The following PPM1A variants were observed in gnomAD, a reference collection of about 807,000 sequenced individuals.
The protein encoded by PPM1A is protein phosphatase, Mg2+/Mn2+ dependent 1A.
In PPM1A, 7 loss-of-function variants were observed where a neutral mutation model predicts 35.0. The ratio of observed to expected loss-of-function variants is 0.20; its 90% CI spans 0.11 to 0.38. The LOEUF is 0.38. Ranked by LOEUF, PPM1A falls within the 10% of genes least tolerant of loss-of-function variation. The probability of loss-of-function intolerance (pLI) is 1.00; values close to 1 mark genes in which losing one functional copy is unlikely to be tolerated. For synonymous variants in PPM1A, 153 were observed against 167.3 expected (o/e 0.91, Z 0.66); for missense variants, 239 against 467.8 (o/e 0.51, Z 4.51).
chr14:60,267,708 T>G (rs1024267993), intron 1 of PPM1A, among the ~76,000 whole-genome samples: 1 of 152,164 alleles, frequency 6.6e-6, no homozygotes, highest in Non-Finnish European at 1.5e-5. Context: ...TAGCTTATTT[T>G]GAGAACAATC....
At chr14:60,288,517 T>C in intron 3 of PPM1A, 1 of 984,292 alleles carries the variant, frequency 1.0e-6, no homozygotes, top group Admixed American at 6.2e-5. Flanking sequence ...ATATACTAGA[T>C]GTTAAAGATT....
intron 1 of PPM1A, among the ~76,000 whole-genome samples, chr14:60,263,747 C>T (rs573723592): frequency 5.3e-5 from 8 of 151,906 alleles, no homozygotes; most frequent in South Asian, 2.1e-4. Context: ...TCTTATTTTT[C>T]GTTAGTTTTC....
intron 2 of PPM1A, among the ~76,000 whole-genome samples, chr14:60,285,327 A>G (rs1406614166): frequency 6.6e-6 from 1 of 152,248 alleles, no homozygotes; most frequent in African/African-American, 2.4e-5. Context: ...AAATGTTTAG[A>G]AATAGTATTG....
Position 60,249,818 on chromosome 14 carries a change from C to T in PPM1A, c.-21+141C>T, listed in dbSNP as rs1445590004. ...GGGAGGAGACGCGACAACTCCACCC[C>T]CTGGCCGGCCTCCTCCCCCGAGCCG... On this transcript the variant is annotated intron_variant, in intron 1 of 5. Transcript: ENST00000395076. This position sits in a 1 kb window ranked among gnomAD's most constrained non-coding sequence, Gnocchi z 4.5. The T allele has an allele frequency of 5.8e-6, 2 of 345,352 alleles. No individual in the cohort carries two copies. The highest frequency in any genetic ancestry group is 2.2e-4 in the South Asian group (2 of 9,254). The allele number at this position is 345,352 out of a possible 1,614,324, so 21.4% of individuals were successfully genotyped here.
intron 4 of PPM1A, 94 bp downstream of exon 4, chr14:60,290,008 C>A: frequency 2.5e-6 from 2 of 815,276 alleles, no homozygotes; most frequent in South Asian, 1.9e-5. Context: ...AATTTCTGAA[C>A]TGATGCAGTT....
chr14:60,251,007 ATGC>A (rs1882341343), intron 1 of PPM1A, among the ~76,000 whole-genome samples: 2 of 152,254 alleles, frequency 1.3e-5, no homozygotes, highest in African/African-American at 4.8e-5. Flanking sequence ...CTATTCTTAG[ATGC>A]TGCTTTTACT....
upstream of PPM1A, among the ~76,000 whole-genome samples, chr14:60,246,865 A>C (rs753986904): frequency 5.3e-5 from 8 of 152,214 alleles, no homozygotes; most frequent in Non-Finnish European, 8.8e-5. Flanking sequence ...CTCCTTAAAA[A>C]TTTCTTTCTG....
rs141853506 is a variant in PPM1A, at chr14:60,273,913, C to T, written c.-20-8771C>T. Reference sequence around the variant, plus strand: ...AACTCCTGGATTCAAGCAATCTTACCGCCCCAGCCTCCAAGCAGTTGGGAC... The same window carrying T: ...AACTCCTGGATTCAAGCAATCTTACTGCCCCAGCCTCCAAGCAGTTGGGAC... On this transcript the variant is annotated intron_variant, in intron 1 of 5. Transcript: ENST00000395076. The surrounding 1 kb of genome is among the most constrained non-coding windows in gnomAD (Gnocchi z 4.3). Among the ~76,000 whole-genome samples, 356 of 152,182 alleles carry T rather than the reference C, an allele frequency of 2.3e-3. 2 individuals carry two copies. The highest frequency in any genetic ancestry group is 8.0e-3 in the African/African-American group (333 of 41,490).
chr14:60,285,656 C>G lies in PPM1A; in HGVS notation c.867C>G (p.Ile289Met). 1 of 1,613,800 alleles carries G rather than the reference C, an allele frequency of 6.2e-7. No individual in the cohort carries two copies. The highest frequency in any genetic ancestry group is 8.5e-7 in the Non-Finnish European group (1 of 1,179,842). ...GAGACAACATGAGTGTGATTTTGAT[C>G]TGTTTTCCAAATGCACCCAAAGTAT... ...GSRDNMSVIL[I>M]CFPNAPKVSP... Residue 289 changes from isoleucine (I) to methionine (M), a missense_variant, in exon 3 of 6, where the codon ATC becomes ATG. By Grantham distance (10) the Ile-to-Met change is conservative. Around this residue, in one of 2 missense-constraint regions of PPM1A, gnomAD observed 175 missense variants for 389.2 expected, o/e 0.45. Transcript: ENST00000395076.
chr14:60,245,848 A>G, upstream of PPM1A: 1 of 1,585,278 alleles, frequency 6.3e-7, no homozygotes, highest in Non-Finnish European at 8.6e-7. The surrounding 1 kb of genome is among the most constrained non-coding windows in gnomAD (Gnocchi z 4.2). Flanking sequence ...GTCTGCTCGC[A>G]TGTTCTGTTC....
At chr14:60,268,289 C>A (rs1361208688) in intron 1 of PPM1A, 5 of 983,360 alleles carry the variant, frequency 5.1e-6, no homozygotes, top group Non-Finnish European at 6.0e-6. Context: ...TCATATTGTT[C>A]CAGGTTTCTG....
At chr14:60,269,668 C>T (rs188436702) in intron 1 of PPM1A, among the ~76,000 whole-genome samples, 1 of 152,182 alleles carries the variant, frequency 6.6e-6, no homozygotes, top group East Asian at 1.9e-4. Flanking sequence ...CCTACCTCAA[C>T]CTCCCGAGTA....
upstream of PPM1A, among the ~76,000 whole-genome samples, chr14:60,247,937 C>T (rs1052275512): frequency 2.6e-5 from 4 of 152,164 alleles, no homozygotes; most frequent in African/African-American, 9.7e-5. Context: ...CTGCCTTCTA[C>T]AATGAAGTCT....
intron 1 of PPM1A, among the ~76,000 whole-genome samples, chr14:60,265,262 G>A (rs969160949): frequency 2.6e-5 from 4 of 152,152 alleles, no homozygotes; most frequent in African/African-American, 9.7e-5. Flanking sequence ...CCATGCAATG[G>A]TTAGTAGTAG....
intron 3 of PPM1A, chr14:60,288,120 AG>A: frequency 1.0e-6 from 1 of 984,562 alleles, no homozygotes; most frequent in Non-Finnish European, 1.2e-6. Context: ...ATGAATGGTC[AG>A]GTAGTTTAAA....
intron 1 of PPM1A, among the ~76,000 whole-genome samples, chr14:60,263,301 T>TA (rs1420694193): frequency 1.3e-5 from 2 of 152,222 alleles, no homozygotes; most frequent in African/African-American, 4.8e-5. Context: ...CGATTTATGT[T>TA]ACTGTTGATG....
chr14:60,272,001 C>G (rs1473235954), intron 1 of PPM1A, among the ~76,000 whole-genome samples: 2 of 150,668 alleles, frequency 1.3e-5, no homozygotes, highest in African/African-American at 2.4e-5. Context: ...TTGGATAGAC[C>G]TATAATTTTT....
At chr14:60,248,044 G>C (rs1283298950), upstream of PPM1A, among the ~76,000 whole-genome samples, 1 of 151,708 alleles carries the variant, frequency 6.6e-6, no homozygotes, top group Admixed American at 6.6e-5. Context: ...TCGTGAACTG[G>C]TTAAGCCGCT....
chr14:60,263,037 C>T lies in PPM1A; in HGVS notation c.-21+13360C>T, dbSNP rs1271042161. On this transcript the variant is annotated intron_variant, in intron 1 of 5. Coordinates refer to ENST00000395076, the MANE Select transcript of PPM1A (RefSeq NM_021003.5). ...TTCAAGACCAGCCCGGCCAACATGG[C>T]GAAACCCTATCTCTAATAAAAAACT... Among the ~76,000 whole-genome samples the T allele has an allele frequency of 7.9e-5, 12 of 152,008 alleles. No homozygotes were observed. The South Asian group carries it at 1.5e-3, about 18-fold the overall frequency.
Sources: gnomAD v4.1 joint callset for allele counts (sites outside exome capture counted in the v4.1 genomes callset) on GRCh38, gnomAD v4.1.1 for gene constraint, gnomAD v4.1.1 regional missense constraint, Gnocchi (gnomAD v3.1) non-coding constraint, MANE v1.5 for transcripts, NCBI Gene and HGNC (gene_info 2026-07-23, HGNC 2026-07-21) for gene names.